PLA2G4C: variants seen among roughly 807,000 people sequenced by gnomAD.
PLA2G4C encodes phospholipase A2 group IVC.
In PLA2G4C, 64 loss-of-function variants were observed where a neutral mutation model predicts 73.8. That is an observed-to-expected ratio of 0.87 (90% CI 0.71 to 1.07). The LOEUF (loss-of-function observed/expected upper bound fraction) is 1.07, where lower values mean the gene tolerates loss of function less well. Ranked by LOEUF, PLA2G4C falls within the 50% of genes least tolerant of loss-of-function variation. The pLI, the probability that PLA2G4C is intolerant of heterozygous loss-of-function variation, is 0.00. For missense variants in PLA2G4C, 622 were observed against 665.4 expected, an observed-to-expected ratio of 0.93 and a Z score of 0.72; for synonymous variants, 254 against 252.1, an observed-to-expected ratio of 1.01 and a Z score of -0.07.
chr19:48,084,512 C>G (rs2030856553), intron 10 of PLA2G4C, among the ~76,000 whole-genome samples: 2 of 152,144 alleles, frequency 1.3e-5, no homozygotes, highest in Non-Finnish European at 2.9e-5. Flanking sequence ...CCACAGAAGG[C>G]CTTTTGTAGC....
chr19:48,061,773 G>C, intron 14 of PLA2G4C: 1 of 526,022 alleles, frequency 1.9e-6, no homozygotes. Context: ...GCCAGGAAGA[G>C]GGGCCCGGGA....
At chr19:48,067,164 A>G (rs560112094) in intron 13 of PLA2G4C, among the ~76,000 whole-genome samples, 1 of 138,380 alleles carries the variant, frequency 7.2e-6, no homozygotes, top group Non-Finnish European at 1.6e-5. Context: ...ACCCATACAA[A>G]TGTGTGTTGT....
At position 48,060,447 on chromosome 19, in the gene PLA2G4C, C is replaced by T. The variant is rs535405590; in HGVS notation, c.1257+1551G>A. Among the ~76,000 whole-genome samples, 13 of 152,200 alleles carry T rather than the reference C, an allele frequency of 8.5e-5. No individual in the cohort carries two copies. The South Asian group carries it at 1.0e-3, about 12-fold the overall frequency. ...TTGATTGAAGTTTAACAAATGCTGC[C>T]GGTTTTCTTCCTATTACTCTTGCTA... On this transcript the variant is annotated intron_variant, in intron 14 of 16. Transcript: ENST00000599921.
intron 7 of PLA2G4C, among the ~76,000 whole-genome samples, chr19:48,092,986 G>A (rs1382985615): frequency 3.3e-5 from 5 of 152,226 alleles, no homozygotes; most frequent in South Asian, 2.1e-4. Flanking sequence ...TAAAATACAC[G>A]TACAGAATCC....
At chr19:48,074,484 C>A in intron 12 of PLA2G4C, 1 of 437,916 alleles carries the variant, frequency 2.3e-6, no homozygotes, top group Non-Finnish European at 4.2e-6. Flanking sequence ...ATTTACATTC[C>A]TTTGGGCATA....
intron 4 of PLA2G4C, among the ~76,000 whole-genome samples, chr19:48,102,317 T>C (rs529532236): frequency 6.6e-6 from 1 of 151,622 alleles, no homozygotes; most frequent in East Asian, 2.0e-4. Context: ...ACGGGGAAAC[T>C]CCGTCTCTAC....
rs1600268189 is a variant in PLA2G4C, at chr19:48,105,940, TCCCTCCC to T, written c.9-503_9-497del. ...CTCCCTCCCTCCCTCCCTCCCTCCC[TCCCTCCC>T]TTCTTTCTTTCTTTCTTTCTTTCTT... On this transcript the variant is annotated intron_variant, in intron 2 of 16. Transcript: ENST00000599921. 7.7e-4 allele frequency among the ~76,000 whole-genome samples: 25 copies of T among 32,270 alleles called. 5 individuals are homozygous for T. The highest frequency in any genetic ancestry group is 2.9e-3 in the African/African-American group (13 of 4,532). 21.2% of individuals were successfully genotyped at this position (32,270 alleles called of 152,430 possible). A position where few individuals can be genotyped will look rare whatever the true frequency, so the allele number is the denominator to read the frequency against.
chr19:48,102,923 A>T (rs1409078219), intron 4 of PLA2G4C, among the ~76,000 whole-genome samples: 1 of 152,154 alleles, frequency 6.6e-6, no homozygotes, highest in Non-Finnish European at 1.5e-5. Context: ...CATCGTCCAC[A>T]CTTACAATGC....
At chr19:48,083,125 T>C (rs928507754) in intron 10 of PLA2G4C, among the ~76,000 whole-genome samples, 40 of 151,990 alleles carry the variant, frequency 2.6e-4, no homozygotes, top group African/African-American at 9.4e-4. Flanking sequence ...CTGGCTTGCT[T>C]TTTCTAACAA....
intron 16 of PLA2G4C, among the ~76,000 whole-genome samples, chr19:48,050,665 G>A (rs1600139833): frequency 3.1e-5 from 2 of 64,146 alleles, no homozygotes; most frequent in South Asian, 6.8e-4. Flanking sequence ...GAGCCTGTGA[G>A]TATGTGACTT....
At position 48,054,972 on chromosome 19, in the gene PLA2G4C, C is replaced by G. The variant is rs376328598; in HGVS notation, c.1335G>C (p.Leu445Phe). The change falls in exon 15 of 17, where the codon TTG becomes TTC. Residue 445 changes from leucine to phenylalanine, a missense_variant. Leu to Phe is a conservative substitution (Grantham distance 22, BLOSUM62 0). Coordinates refer to ENST00000599921, the MANE Select transcript of PLA2G4C (RefSeq NM_003706.3). ...AGCAGCTGGCGGGGGCCTTGGACCA[C>G]AAATCCAGCTCAGCCTCTTCTACTT... Reference protein sequence around the residue: ...FPQVEEAELDLWSKAPASCYI... With the variant: ...FPQVEEAELDFWSKAPASCYI... 9 of 1,613,684 alleles carry G rather than the reference C, an allele frequency of 5.6e-6. No individual in the cohort carries two copies. Among genetic ancestry groups the G allele is most frequent in the Non-Finnish European group, 7.6e-6 (9 of 1,179,996 alleles).
At chr19:48,087,243 C>T (rs750710004) in intron 9 of PLA2G4C, among the ~76,000 whole-genome samples, 4 of 152,138 alleles carry the variant, frequency 2.6e-5, no homozygotes, top group Admixed American at 2.0e-4. Context: ...GGGCTCAGCA[C>T]GGAAAGCCCA....
chr19:48,077,686 TAA>T, intron 11 of PLA2G4C, 83 bp downstream of exon 11: 8 of 1,022,068 alleles, frequency 7.8e-6, no homozygotes, highest in African/African-American at 1.7e-5. Flanking sequence ...ATCAGACACG[TAA>T]AGTTTTTAGG....
At chr19:48,056,785 T>A (rs904584117) in intron 14 of PLA2G4C, among the ~76,000 whole-genome samples, 4 of 130,284 alleles carry the variant, frequency 3.1e-5, no homozygotes, top group Non-Finnish European at 6.1e-5. Flanking sequence ...TGAGCCCAGA[T>A]AGCACCACTG....
At chr19:48,052,828 C>G (rs1967775821) in intron 16 of PLA2G4C, 169 bp downstream of exon 16, 3 of 615,962 alleles carry the variant, frequency 4.9e-6, no homozygotes, top group African/African-American at 1.8e-5. Flanking sequence ...ACCATTCACT[C>G]CTGACCCTGT....
At chr19:48,074,143 G>A (rs1020579852) in intron 12 of PLA2G4C, among the ~76,000 whole-genome samples, 4 of 144,576 alleles carry the variant, frequency 2.8e-5, no homozygotes, top group East Asian at 2.1e-4. Context: ...CTCCCCACCC[G>A]CCCCCAACAG....
intron 1 of PLA2G4C, among the ~76,000 whole-genome samples, chr19:48,108,426 A>G (rs892075623): frequency 6.6e-6 from 1 of 152,126 alleles, no homozygotes; most frequent in Non-Finnish European, 1.5e-5. Flanking sequence ...GTTAGCTACC[A>G]CACCCCACTA....
chr19:48,053,956 G>A (rs1967829030), intron 15 of PLA2G4C, among the ~76,000 whole-genome samples: 1 of 152,224 alleles, frequency 6.6e-6, no homozygotes, highest in South Asian at 2.1e-4. Context: ...CAGGTGGAAG[G>A]GGTTGGATAT....
intron 16 of PLA2G4C, among the ~76,000 whole-genome samples, chr19:48,052,726 G>A (rs897359685): frequency 6.6e-6 from 1 of 152,136 alleles, no homozygotes; most frequent in African/African-American, 2.4e-5. Flanking sequence ...CCAGCACCAT[G>A]AGACCATCAA....
Sources: allele counts gnomAD v4.1 joint callset (sites outside exome capture counted in the v4.1 genomes callset), GRCh38; gene constraint gnomAD v4.1.1; transcripts MANE v1.5; gene names NCBI Gene and HGNC (gene_info 2026-07-23, HGNC 2026-07-21).